Variants in SLC25A24 observed in about 807,000 individuals in gnomAD.
SLC25A24 encodes solute carrier family 25 member 24, also known as mitochondrial adenyl nucleotide antiporter SLC25A24.
Under a neutral mutation model 60.7 loss-of-function variants are expected in SLC25A24, and 49 were observed. That is an observed-to-expected ratio of 0.81 (90% confidence interval 0.64 to 1.02). The LOEUF (loss-of-function observed/expected upper bound fraction) is 1.02, where lower values mean the gene tolerates loss of function less well. SLC25A24 is among the 50% of genes least tolerant of loss of function. SLC25A24 has a pLI of 0.00. For synonymous variants in SLC25A24, 202 were observed against 200.6 expected (o/e 1.01, Z -0.06); for missense variants, 564 against 586.3 (o/e 0.96, Z 0.39).
chr1:108,160,069 G>C lies in SLC25A24; in HGVS notation c.510+1113C>G, dbSNP rs562574968. 6.5e-3 allele frequency among the ~76,000 whole-genome samples: 983 copies of C among 151,744 alleles called. 9 individuals are homozygous for C. The highest frequency in any genetic ancestry group is 0.023 in the African/African-American group (940 of 41,382). ...GGGCAGAGGCACCCCTCACCTCCCG[G>C]ATGGGGTGGCTGGCCGGGCGGGGGG... On this transcript the variant is annotated intron_variant, in intron 4 of 9. Coordinates refer to ENST00000565488, the MANE Select transcript of SLC25A24 (RefSeq NM_013386.5).
intron 1 of SLC25A24, among the ~76,000 whole-genome samples, chr1:108,187,367 C>T (rs999332429): frequency 6.6e-6 from 1 of 151,988 alleles, no homozygotes; most frequent in Admixed American, 6.5e-5. Context: ...AGAAAGAAAA[C>T]ACACCATTGG....
chr1:108,167,038 G>T (rs1397310589), intron 3 of SLC25A24, among the ~76,000 whole-genome samples: 3 of 148,414 alleles, frequency 2.0e-5, no homozygotes, highest in Non-Finnish European at 3.0e-5. Flanking sequence ...AGGTCTGTTG[G>T]AGTAACCGGC....
intron 3 of SLC25A24, among the ~76,000 whole-genome samples, chr1:108,165,568 G>A (rs1250570095): frequency 6.6e-6 from 1 of 152,066 alleles, no homozygotes. Flanking sequence ...TGTCTCTTCT[G>A]ATCTTTGTTG....
At chr1:108,186,660 A>T (rs1648135046) in intron 1 of SLC25A24, among the ~76,000 whole-genome samples, 1 of 152,202 alleles carries the variant, frequency 6.6e-6, no homozygotes, top group Non-Finnish European at 1.5e-5. Flanking sequence ...CTGTCATAGC[A>T]AACTGTAAGC....
intron 3 of SLC25A24, among the ~76,000 whole-genome samples, chr1:108,180,818 T>C (rs571981202): frequency 2.0e-5 from 3 of 152,208 alleles, no homozygotes; most frequent in Non-Finnish European, 2.9e-5. Flanking sequence ...ATCCAGCCTA[T>C]GGTATTTTGT....
At chr1:108,167,782 A>G (rs4418636) in intron 3 of SLC25A24, among the ~76,000 whole-genome samples, 77,000 of 152,062 alleles carry the variant, frequency 0.51, 20,089 homozygotes, top group African/African-American at 0.63. Context: ...GCTGTAGACC[A>G]GAGCTGTTCC....
chr1:108,138,957 G>T, intron 9 of SLC25A24, 101 bp downstream of exon 9: 1 of 1,208,456 alleles, frequency 8.3e-7, no homozygotes, highest in Non-Finnish European at 1.1e-6. Context: ...GAGAAATACT[G>T]TCTTAAAACT....
chr1:108,190,434 G>A (rs1648307803), intron 1 of SLC25A24, among the ~76,000 whole-genome samples: 1 of 152,146 alleles, frequency 6.6e-6, no homozygotes, highest in Non-Finnish European at 1.5e-5. Context: ...ATAGCAACCT[G>A]ACTTCCTATA....
intron 6 of SLC25A24, among the ~76,000 whole-genome samples, chr1:108,149,607 C>A (rs547222391): frequency 6.6e-6 from 1 of 152,314 alleles, no homozygotes; most frequent in African/African-American, 2.4e-5. Context: ...TCTGCCCAAA[C>A]ATAGACCATG....
intron 1 of SLC25A24, among the ~76,000 whole-genome samples, chr1:108,186,467 G>A (rs1648128723): frequency 6.6e-6 from 1 of 152,178 alleles, no homozygotes; most frequent in South Asian, 2.1e-4. Flanking sequence ...TGAGGTAGGA[G>A]GATCACTTGA....
chr1:108,152,056 TC>T (rs1480797300), intron 6 of SLC25A24, among the ~76,000 whole-genome samples: 1 of 152,132 alleles, frequency 6.6e-6, no homozygotes, highest in African/African-American at 2.4e-5. Context: ...TACCTCACTC[TC>T]CCCCAACAAT....
chr1:108,140,039 T>C (rs778289207), intron 8 of SLC25A24, among the ~76,000 whole-genome samples: 1 of 152,126 alleles, frequency 6.6e-6, no homozygotes, highest in Non-Finnish European at 1.5e-5. Context: ...AAAATATATA[T>C]GATAATCAAC....
chr1:108,197,518 C>T (rs527986911), intron 1 of SLC25A24, among the ~76,000 whole-genome samples: 1 of 152,300 alleles, frequency 6.6e-6, no homozygotes, highest in African/African-American at 2.4e-5. Flanking sequence ...ACATAAACCC[C>T]TGACATGCCT....
intron 4 of SLC25A24, among the ~76,000 whole-genome samples, chr1:108,157,891 G>T (rs1438137488): frequency 6.6e-6 from 1 of 151,434 alleles, no homozygotes; most frequent in African/African-American, 2.5e-5. Context: ...TAGATTCACA[G>T]TATGTTTTCT....
intron 4 of SLC25A24, among the ~76,000 whole-genome samples, chr1:108,158,885 CCCAGCTACT>C (rs1679976544): frequency 6.6e-6 from 1 of 152,068 alleles, no homozygotes; most frequent in Non-Finnish European, 1.5e-5. Flanking sequence ...TGCCTGTAGT[CCCAGCTACT>C]CCGGTGGCTG....
At chr1:108,181,101 C>A (rs1017364286) in intron 3 of SLC25A24, among the ~76,000 whole-genome samples, 1 of 152,096 alleles carries the variant, frequency 6.6e-6, no homozygotes, top group Admixed American at 6.6e-5. Flanking sequence ...AAAGTCATTA[C>A]GTGCTCAGCC....
chr1:108,159,146 T>G (rs542155058), intron 4 of SLC25A24, among the ~76,000 whole-genome samples: 2 of 152,288 alleles, frequency 1.3e-5, no homozygotes, highest in African/African-American at 4.8e-5. Context: ...CAATCAAAAT[T>G]TGAAAGTTTG....
chr1:108,196,181 A>G (rs201211281), intron 1 of SLC25A24, among the ~76,000 whole-genome samples: 3 of 152,308 alleles, frequency 2.0e-5, no homozygotes, highest in East Asian at 3.9e-4. Flanking sequence ...ACTTAAAGAC[A>G]GAATTAAAAA....
intron 4 of SLC25A24, among the ~76,000 whole-genome samples, chr1:108,158,081 GAT>G (rs1230391442): frequency 1.3e-5 from 2 of 152,042 alleles, no homozygotes; most frequent in African/African-American, 2.4e-5. Flanking sequence ...TTTATACCAT[GAT>G]ATGTTTTAAA....
Sources: allele counts gnomAD v4.1 joint callset (sites outside exome capture counted in the v4.1 genomes callset), GRCh38; gene constraint gnomAD v4.1.1; transcripts MANE v1.5; gene names NCBI Gene and HGNC (gene_info 2026-07-23, HGNC 2026-07-21).